Variants in SAMD12 observed in about 807,000 individuals in gnomAD.
SAMD12 encodes sterile alpha motif domain-containing protein 12.
In SAMD12, 9 loss-of-function variants were observed where a neutral mutation model predicts 15.0. The observed-to-expected ratio is 0.60, with a 90% confidence interval of 0.36 to 1.05. The LOEUF (loss-of-function observed/expected upper bound fraction) is 1.05. Ranked by LOEUF, SAMD12 falls within the 50% of genes least tolerant of loss-of-function variation. SAMD12 has a pLI of 0.01. For missense variants in SAMD12, 230 were observed against 234.2 expected (o/e 0.98, Z 0.12); for synonymous variants, 86 against 90.1 (o/e 0.96, Z 0.25).
intron 2 of SAMD12, among the ~76,000 whole-genome samples, chr8:118,476,480 A>G (rs531994861): frequency 6.6e-6 from 1 of 152,338 alleles, no homozygotes; most frequent in African/African-American, 2.4e-5. Flanking sequence ...AAAGAATCCA[A>G]GTAGAGTCTA....
chr8:118,416,115 A>G (rs140689973), intron 3 of SAMD12, among the ~76,000 whole-genome samples: 43 of 152,304 alleles, frequency 2.8e-4, no homozygotes, highest in African/African-American at 1.0e-3. Flanking sequence ...CTGGGTTCCA[A>G]TAATAGTTTA....
intron 4 of SAMD12, among the ~76,000 whole-genome samples, chr8:118,250,185 A>C (rs1233119280): frequency 6.6e-6 from 1 of 152,136 alleles, no homozygotes; most frequent in Non-Finnish European, 1.5e-5. Flanking sequence ...TTGAATTACC[A>C]GATCCCTGGT....
chr8:118,441,114 T>C (rs983393711), intron 2 of SAMD12, among the ~76,000 whole-genome samples: 13 of 152,102 alleles, frequency 8.5e-5, no homozygotes, highest in African/African-American at 2.9e-4. Context: ...ATGTGTGTTG[T>C]TGTTGTTGTT....
intron 4 of SAMD12, among the ~76,000 whole-genome samples, chr8:118,237,238 C>T (rs1176492206): frequency 2.0e-5 from 3 of 152,122 alleles, no homozygotes; most frequent in African/African-American, 7.2e-5. Context: ...CTCTAGGTGT[C>T]CCTGTCTCTT....
intron 4 of SAMD12, among the ~76,000 whole-genome samples, chr8:118,317,925 A>C (rs1453506302): frequency 6.6e-6 from 1 of 152,218 alleles, no homozygotes; most frequent in Admixed American, 6.5e-5. Context: ...AGATGTACCA[A>C]TGGACAACAA....
At chr8:118,465,119 T>C (rs1823554416) in intron 2 of SAMD12, among the ~76,000 whole-genome samples, 1 of 152,104 alleles carries the variant, frequency 6.6e-6, no homozygotes, top group Non-Finnish European at 1.5e-5. Flanking sequence ...GGAGCAAATA[T>C]ACCCCAATCT....
intron 3 of SAMD12, among the ~76,000 whole-genome samples, chr8:118,389,513 G>A (rs1259726255): frequency 6.6e-6 from 1 of 152,150 alleles, no homozygotes; most frequent in Non-Finnish European, 1.5e-5. Flanking sequence ...AGGCCAGCCT[G>A]GCCAACATGG....
intron 2 of SAMD12, among the ~76,000 whole-genome samples, chr8:118,464,180 T>C (rs1024249517): frequency 6.6e-6 from 1 of 152,214 alleles, no homozygotes; most frequent in Non-Finnish European, 1.5e-5. Context: ...AGAAGTCCCC[T>C]CATATAACCA....
intron 4 of SAMD12, among the ~76,000 whole-genome samples, chr8:118,314,283 TTTTTTAAC>T (rs1317117414): frequency 6.6e-6 from 1 of 152,214 alleles, no homozygotes; most frequent in African/African-American, 2.4e-5. Context: ...GCTTTCTTCT[TTTTTTAAC>T]TTTTTATTTT....
At chr8:118,505,454 G>C (rs536813695) in intron 2 of SAMD12, among the ~76,000 whole-genome samples, 8 of 151,720 alleles carry the variant, frequency 5.3e-5, no homozygotes, top group Non-Finnish European at 1.2e-4. Context: ...GAAGTTGTTA[G>C]GTTGGCTTCT....
chr8:118,138,999 G>A, the SAMD12 span, among the ~76,000 whole-genome samples: 3 of 151,974 alleles, frequency 2.0e-5, no homozygotes, highest in African/African-American at 4.8e-5. Context: ...AAATTGTATC[G>A]AACTTAACAG....
At chr8:118,514,782 TA>T (rs1179223921) in intron 2 of SAMD12, among the ~76,000 whole-genome samples, 1 of 152,214 alleles carries the variant, frequency 6.6e-6, no homozygotes, top group Admixed American at 6.5e-5. Context: ...ACAGCGTTAG[TA>T]AAATAGTCTT....
In SAMD12 at chr8:118,263,058, G is replaced by A. The variant is rs565976833; in HGVS notation, c.434-65326C>T. ...ATGAACCCACATTGCCCATTGCCCA[G>A]CTTCAACAACCATCAGTGCCTGCCA... On this transcript the variant is annotated intron_variant, in intron 4 of 4. Coordinates refer to the SAMD12 transcript ENST00000409003. Among the ~76,000 whole-genome samples the A allele has an allele frequency of 1.1e-3, 160 of 152,104 alleles. No homozygotes were observed. In the Middle Eastern group the frequency reaches 0.017, roughly 16 times the overall value.
the SAMD12 span, among the ~76,000 whole-genome samples, chr8:118,166,573 T>C: frequency 1.3e-5 from 2 of 152,248 alleles, no homozygotes; most frequent in Non-Finnish European, 2.9e-5. Context: ...CAAAGAACTT[T>C]ATAAATAAGT....
intron 4 of SAMD12, among the ~76,000 whole-genome samples, chr8:118,235,618 T>C (rs1383923224): frequency 6.6e-6 from 1 of 152,122 alleles, no homozygotes; most frequent in African/African-American, 2.4e-5. Context: ...ATCTTAGCAG[T>C]GGGAATAGAT....
chr8:118,170,811 A>G, the SAMD12 span, among the ~76,000 whole-genome samples: 1 of 152,128 alleles, frequency 6.6e-6, no homozygotes, highest in South Asian at 2.1e-4. Flanking sequence ...CAAGTGATAA[A>G]AGAAAAAAAA....
intron 4 of SAMD12, among the ~76,000 whole-genome samples, chr8:118,318,223 T>C (rs1816017520): frequency 2.0e-5 from 3 of 150,452 alleles, no homozygotes. Flanking sequence ...AGTTATTATA[T>C]GAAAAAGACA....
chr8:118,319,735 T>G (rs1033263413), intron 4 of SAMD12, among the ~76,000 whole-genome samples: 1 of 152,226 alleles, frequency 6.6e-6, no homozygotes, highest in Admixed American at 6.5e-5. Flanking sequence ...CAACTGAGGG[T>G]AATCCTGAGT....
intron 3 of SAMD12, among the ~76,000 whole-genome samples, chr8:118,389,335 C>G (rs1204759270): frequency 6.6e-6 from 1 of 152,208 alleles, no homozygotes; most frequent in Non-Finnish European, 1.5e-5. Context: ...AACTCAGATG[C>G]TTTTGTCAGG....
Sources: gnomAD v4.1 joint callset for allele counts (sites outside exome capture counted in the v4.1 genomes callset) on GRCh38, gnomAD v4.1.1 for gene constraint, MANE v1.5 for transcripts, NCBI Gene and HGNC (gene_info 2026-07-23, HGNC 2026-07-21) for gene names.